The following CTNNA2 variants were observed in gnomAD, a reference collection of about 807,000 sequenced individuals.
The protein encoded by CTNNA2 is catenin alpha-2.
CTNNA2 carries 42 observed loss-of-function variants against 101.0 expected under a neutral mutation model. The observed-to-expected ratio is 0.42, with a 90% CI of 0.32 to 0.54. CTNNA2 has a LOEUF of 0.54. Among genes scored for constraint, CTNNA2 ranks in the 20% least tolerant of loss-of-function variants. The pLI, the probability that CTNNA2 is intolerant of heterozygous loss-of-function variation, is 0.14. For synonymous variants in CTNNA2, 450 were observed against 456.4 expected (o/e 0.99, Z 0.18); for missense variants, 871 against 1,223.1 (o/e 0.71, Z 4.29).
At chr2:79,743,714 A>G (rs1430202700) in intron 2 of CTNNA2, among the ~76,000 whole-genome samples, 3 of 151,784 alleles carry the variant, frequency 2.0e-5, no homozygotes, top group Non-Finnish European at 4.4e-5. Context: ...TTGTATTTTT[A>G]GTATAGATGA....
intron 7 of CTNNA2, among the ~76,000 whole-genome samples, chr2:79,936,090 T>C (rs1687768446): frequency 6.6e-6 from 1 of 152,202 alleles, no homozygotes; most frequent in South Asian, 2.1e-4. Flanking sequence ...GACATCAGAG[T>C]CAAAGAGGCT....
At chr2:79,287,050 G>T (rs1228899260) in intron 2 of CTNNA2, among the ~76,000 whole-genome samples, 5 of 152,070 alleles carry the variant, frequency 3.3e-5, no homozygotes, top group Admixed American at 6.6e-5. Flanking sequence ...GATCGCATCA[G>T]CTCCTGAGAC....
At chr2:79,922,013 T>C (rs1686691621) in intron 7 of CTNNA2, among the ~76,000 whole-genome samples, 1 of 152,116 alleles carries the variant, frequency 6.6e-6, no homozygotes. Context: ...CCCAGAGGAT[T>C]CTCCTGCCTC....
At chr2:80,534,842 G>A (rs1435838579) in intron 9 of CTNNA2, among the ~76,000 whole-genome samples, 3 of 152,088 alleles carry the variant, frequency 2.0e-5, no homozygotes, top group Non-Finnish European at 2.9e-5. Flanking sequence ...TCCGACAGGA[G>A]CAAAAACTAG....
At chr2:79,225,461 C>T (rs569916148) in intron 2 of CTNNA2, among the ~76,000 whole-genome samples, 18 of 152,190 alleles carry the variant, frequency 1.2e-4, no homozygotes, top group African/African-American at 3.9e-4. Context: ...TGTTTACTCT[C>T]ATCTGTAGAA....
At chr2:80,634,596 A>C (rs1558664753) in intron 18 of CTNNA2, among the ~76,000 whole-genome samples, 1 of 151,998 alleles carries the variant, frequency 6.6e-6, no homozygotes, top group Non-Finnish European at 1.5e-5. Flanking sequence ...AAGATAAGTG[A>C]TATTGAGTTC....
At chr2:80,265,733 A>G (rs1672957001) in intron 7 of CTNNA2, among the ~76,000 whole-genome samples, 1 of 152,216 alleles carries the variant, frequency 6.6e-6, no homozygotes, top group Non-Finnish European at 1.5e-5. Flanking sequence ...CCTAGAAGTC[A>G]CAGACCTTGG....
In CTNNA2 at chr2:79,506,832, A is replaced by G. The variant is rs568668156; in HGVS notation, c.-6+1650A>G. Among the ~76,000 whole-genome samples, 5 of 152,284 alleles carry G rather than the reference A, an allele frequency of 3.3e-5. No homozygotes were observed. In the East Asian group the frequency reaches 5.8e-4, roughly 18 times the overall value. ...GTGAAATATTTTGATTGCCAGGCACATGGTGGTTTTGTACTTCAAAGCATC... is the reference window on the plus strand; with the variant it reads ...GTGAAATATTTTGATTGCCAGGCACGTGGTGGTTTTGTACTTCAAAGCATC... On this transcript the variant is annotated intron_variant, in intron 5 of 21. Transcript: ENST00000466387.
intron 7 of CTNNA2, among the ~76,000 whole-genome samples, chr2:80,326,172 T>G (rs1041527482): frequency 3.9e-5 from 6 of 152,202 alleles, no homozygotes; most frequent in Non-Finnish European, 7.3e-5. Flanking sequence ...TGTAAGCCCT[T>G]CTAAGAGTAG....
chr2:80,333,917 C>T (rs1329966481), intron 7 of CTNNA2, among the ~76,000 whole-genome samples: 1 of 152,192 alleles, frequency 6.6e-6, no homozygotes, highest in Non-Finnish European at 1.5e-5. Context: ...GCCACCACAC[C>T]CGGCCTAGCC....
intron 4 of CTNNA2, among the ~76,000 whole-genome samples, chr2:79,404,097 A>G (rs1678316375): frequency 6.6e-6 from 1 of 151,842 alleles, no homozygotes; most frequent in Non-Finnish European, 1.5e-5. Flanking sequence ...AGTTGCTTTC[A>G]GGATATACTG....
At chr2:79,343,309 A>G (rs773061655) in intron 3 of CTNNA2, among the ~76,000 whole-genome samples, 1 of 152,156 alleles carries the variant, frequency 6.6e-6, no homozygotes, top group Non-Finnish European at 1.5e-5. Flanking sequence ...AAAATAGGAT[A>G]TTTATCCCAC....
intron 3 of CTNNA2, among the ~76,000 whole-genome samples, chr2:79,788,666 T>A (rs1242381488): frequency 2.0e-5 from 3 of 152,170 alleles, no homozygotes; most frequent in African/African-American, 4.8e-5. Context: ...CCTACAAACA[T>A]ACATATGTAT....
At chr2:80,050,307 G>T (rs1696795093) in intron 7 of CTNNA2, among the ~76,000 whole-genome samples, 1 of 152,198 alleles carries the variant, frequency 6.6e-6, no homozygotes, top group Non-Finnish European at 1.5e-5. Context: ...GAGCAGGGCT[G>T]CCCTGTATTT....
intron 1 of CTNNA2, among the ~76,000 whole-genome samples, chr2:79,197,637 AT>A (rs1558570512): frequency 6.6e-6 from 1 of 152,216 alleles, no homozygotes; most frequent in African/African-American, 2.4e-5. Flanking sequence ...GGAACAGGCT[AT>A]TTGAAATCCT....
chr2:80,523,466 G>T (rs965044229), intron 9 of CTNNA2, among the ~76,000 whole-genome samples: 1 of 152,200 alleles, frequency 6.6e-6, no homozygotes, highest in Non-Finnish European at 1.5e-5. Flanking sequence ...TTAGGCCTGC[G>T]TGAAGAGAAA....
chr2:80,158,592 A>G (rs1203100735), intron 7 of CTNNA2, among the ~76,000 whole-genome samples: 1 of 152,130 alleles, frequency 6.6e-6, no homozygotes, highest in Non-Finnish European at 1.5e-5. Flanking sequence ...TCTGTTCTCC[A>G]TTGCTATAGT....
At chr2:79,687,828 C>G (rs994454457) in intron 2 of CTNNA2, 3 of 426,760 alleles carry the variant, frequency 7.0e-6, no homozygotes, top group Non-Finnish European at 1.2e-5. Flanking sequence ...GGGTTTCTGG[C>G]AAGCCCTGAT....
chr2:79,741,208 G>T (rs971021836), intron 2 of CTNNA2, among the ~76,000 whole-genome samples: 1 of 152,134 alleles, frequency 6.6e-6, no homozygotes, highest in Admixed American at 6.5e-5. Flanking sequence ...AACTACTTTT[G>T]CTGCTTCCAT....
Sources: gnomAD v4.1 joint callset for allele counts (sites outside exome capture counted in the v4.1 genomes callset) on GRCh38, gnomAD v4.1.1 for gene constraint, MANE v1.5 for transcripts, NCBI Gene and HGNC (gene_info 2026-07-23, HGNC 2026-07-21) for gene names.